ASTN2: variants seen among roughly 807,000 people sequenced by gnomAD.
The protein encoded by ASTN2 is astrotactin 2.
ASTN2 carries 54 observed loss-of-function variants against 139.8 expected under a neutral mutation model. The observed-to-expected ratio is 0.39, with a 90% CI of 0.31 to 0.48. The LOEUF (loss-of-function observed/expected upper bound fraction) is 0.48, where lower values mean the gene tolerates loss of function less well. Ranked by LOEUF, ASTN2 falls within the 20% of genes least tolerant of loss-of-function variation. ASTN2 has a pLI of 0.95. For missense variants in ASTN2, 1,565 were observed against 1,725.1 expected (o/e 0.91, Z 1.64); for synonymous variants, 756 against 719.5 (o/e 1.05, Z -0.81).
intron 1 of ASTN2, among the ~76,000 whole-genome samples, chr9:117,375,715 G>A (rs1830104886): frequency 6.6e-6 from 1 of 152,172 alleles, no homozygotes; most frequent in African/African-American, 2.4e-5. Flanking sequence ...GTTTCCCATT[G>A]CTGCTGTAAC....
chr9:116,796,715 T>C (rs993282559), intron 13 of ASTN2, among the ~76,000 whole-genome samples: 1 of 152,200 alleles, frequency 6.6e-6, no homozygotes, highest in African/African-American at 2.4e-5. Context: ...AGTTTTATTA[T>C]GCAAGATAAA....
At chr9:116,628,240 C>T (rs1856559854) in intron 17 of ASTN2, among the ~76,000 whole-genome samples, 1 of 152,078 alleles carries the variant, frequency 6.6e-6, no homozygotes, top group South Asian at 2.1e-4. Flanking sequence ...CAAGTGTGAA[C>T]AAAATCACAC....
At chr9:116,481,887 AGGAGG>A (rs1849180784) in intron 20 of ASTN2, among the ~76,000 whole-genome samples, 1 of 152,082 alleles carries the variant, frequency 6.6e-6, no homozygotes, top group African/African-American at 2.4e-5. Flanking sequence ...AGCACATGGG[AGGAGG>A]GGAGGAGAGG....
chr9:116,628,557 T>C (rs930625403), intron 17 of ASTN2, among the ~76,000 whole-genome samples: 2 of 151,994 alleles, frequency 1.3e-5, no homozygotes, highest in Admixed American at 6.6e-5. Context: ...GGATCCGTGG[T>C]TTCCAGAGGT....
chr9:116,750,040 C>G (rs995300336), intron 13 of ASTN2, among the ~76,000 whole-genome samples: 2 of 152,170 alleles, frequency 1.3e-5, no homozygotes, highest in Non-Finnish European at 2.9e-5. Context: ...TGCAAATAGT[C>G]TAACACACTA....
chr9:117,174,650 T>C (rs937961215), intron 3 of ASTN2, among the ~76,000 whole-genome samples: 2 of 152,016 alleles, frequency 1.3e-5, no homozygotes, highest in African/African-American at 4.8e-5. Context: ...AGTTTACTAA[T>C]AGAAACGACA....
intron 4 of ASTN2, among the ~76,000 whole-genome samples, chr9:117,120,009 T>TAC (rs1829503578): frequency 1.9e-5 from 1 of 52,274 alleles, no homozygotes; most frequent in African/African-American, 6.8e-5. Context: ...TGTGTGTGTG[T>TAC]GTGTGTGTGT....
At chr9:117,095,894 T>C (rs1286612946) in intron 5 of ASTN2, 150 bp downstream of exon 5, 7 of 633,292 alleles carry the variant, frequency 1.1e-5, no homozygotes, top group Non-Finnish European at 1.9e-5. Context: ...AGGTCACCCA[T>C]ATAGCCAGGG....
At chr9:116,531,373 T>A (rs1007400706) in intron 19 of ASTN2, among the ~76,000 whole-genome samples, 2 of 152,168 alleles carry the variant, frequency 1.3e-5, no homozygotes, top group African/African-American at 4.8e-5. Context: ...ATGTTTACAA[T>A]TTTTTTATTA....
chr9:116,468,974 T>G (rs530191847), intron 20 of ASTN2, among the ~76,000 whole-genome samples: 38 of 152,318 alleles, frequency 2.5e-4, no homozygotes, highest in African/African-American at 8.7e-4. Context: ...CTGATCATTC[T>G]TTAAAACTTA....
chr9:117,046,297 G>A (rs1057002847), intron 5 of ASTN2, among the ~76,000 whole-genome samples: 20 of 152,018 alleles, frequency 1.3e-4, no homozygotes, highest in Non-Finnish European at 2.6e-4. Flanking sequence ...CACCGTGCCC[G>A]GACTGAGCTT....
At chr9:117,191,196 A>C (rs958057370) in intron 3 of ASTN2, among the ~76,000 whole-genome samples, 1 of 151,642 alleles carries the variant, frequency 6.6e-6, no homozygotes, top group Admixed American at 6.6e-5. Context: ...TTTAAGACTA[A>C]AAATGGTTGT....
At chr9:116,802,083 C>CTT (rs796156202) in intron 13 of ASTN2, among the ~76,000 whole-genome samples, 17 of 121,730 alleles carry the variant, frequency 1.4e-4, no homozygotes, top group Admixed American at 2.5e-4. Context: ...TTCTTTCTTT[C>CTT]TTTTTTTTTT....
At chr9:117,406,793 A>T (rs1037772470) in intron 1 of ASTN2, among the ~76,000 whole-genome samples, 3 of 150,684 alleles carry the variant, frequency 2.0e-5, no homozygotes, top group African/African-American at 7.3e-5. Context: ...TTTCCATAGA[A>T]TTTTTCATCT....
chr9:117,061,463 C>T (rs7864943), intron 5 of ASTN2, among the ~76,000 whole-genome samples: 5,734 of 151,846 alleles, frequency 0.038, 351 homozygotes, highest in African/African-American at 0.13. Flanking sequence ...ATGTGTAGTT[C>T]AGTTTTATTA....
At chr9:117,157,919 G>C (rs1249167235) in intron 3 of ASTN2, among the ~76,000 whole-genome samples, 1 of 151,952 alleles carries the variant, frequency 6.6e-6, no homozygotes, top group East Asian at 1.9e-4. Context: ...TATAACTATG[G>C]AACAAGGATC....
chr9:117,337,784 C>T (rs912634573), intron 1 of ASTN2, among the ~76,000 whole-genome samples: 5 of 152,124 alleles, frequency 3.3e-5, no homozygotes, highest in African/African-American at 1.2e-4. Flanking sequence ...AATGAGTGAG[C>T]TCATAGCCAA....
intron 10 of ASTN2, among the ~76,000 whole-genome samples, chr9:116,892,723 A>T (rs3903956): frequency 0.028 from 4,261 of 152,266 alleles, 92 homozygotes; most frequent in Middle Eastern, 0.068. Context: ...GCTGTCTTTG[A>T]TCCAAGCATG....
intron 5 of ASTN2, among the ~76,000 whole-genome samples, chr9:117,054,409 A>C (rs1838999544): frequency 6.6e-6 from 1 of 152,178 alleles, no homozygotes; most frequent in South Asian, 2.1e-4. Flanking sequence ...TTCATTCAAC[A>C]AATATATATT....
Sources: gnomAD v4.1 joint callset for allele counts (sites outside exome capture counted in the v4.1 genomes callset) on GRCh38, gnomAD v4.1.1 for gene constraint, MANE v1.5 for transcripts, NCBI Gene and HGNC (gene_info 2026-07-23, HGNC 2026-07-21) for gene names.